NRG4: variants seen among roughly 807,000 people sequenced by gnomAD.
NRG4 encodes pro-neuregulin-4, membrane-bound isoform.
Under a neutral mutation model 15.0 loss-of-function variants are expected in NRG4, and 10 were observed. The observed-to-expected ratio is 0.67, with a 90% CI of 0.41 to 1.13. The LOEUF is 1.13. NRG4 is among the 50% of genes most tolerant of loss of function. The pLI is 0.00. For missense variants in NRG4, 139 were observed against 140.2 expected, an observed-to-expected ratio of 0.99 and a Z score of 0.04; for synonymous variants, 41 against 50.1, an observed-to-expected ratio of 0.82 and a Z score of 0.77.
At chr15:75,945,286 G>T (rs1394330602) in intron 5 of NRG4, among the ~76,000 whole-genome samples, 34 of 146,056 alleles carry the variant, frequency 2.3e-4, no homozygotes, top group African/African-American at 8.1e-4. Flanking sequence ...TTTTTTTGTG[G>T]AATCTCACTT....
chr15:75,945,212 C>A (rs1330022270), intron 5 of NRG4, among the ~76,000 whole-genome samples: 1 of 151,670 alleles, frequency 6.6e-6, no homozygotes, highest in Admixed American at 6.6e-5. Context: ...GTTAACACCA[C>A]GATAAATTTA....
chr15:76,026,926 TC>T (rs1409351401), intron 5 of NRG4, among the ~76,000 whole-genome samples: 1 of 151,934 alleles, frequency 6.6e-6, no homozygotes, highest in Non-Finnish European at 1.5e-5. Context: ...ATTGAGACCA[TC>T]CTGGCTAACA....
intron 1 of NRG4, among the ~76,000 whole-genome samples, chr15:76,057,427 T>C (rs1044379543): frequency 2.1e-4 from 32 of 152,116 alleles, no homozygotes; most frequent in Non-Finnish European, 4.0e-4. Context: ...TGGCAGATCT[T>C]CACAGTTCCT....
At chr15:75,997,953 C>T (rs1172044261) in intron 3 of NRG4, among the ~76,000 whole-genome samples, 1 of 152,208 alleles carries the variant, frequency 6.6e-6, no homozygotes, top group Non-Finnish European at 1.5e-5. Flanking sequence ...TTATTGGACA[C>T]TAACAGCCTC....
chr15:75,958,660 A>G (rs2032362889), intron 4 of NRG4, among the ~76,000 whole-genome samples: 1 of 152,094 alleles, frequency 6.6e-6, no homozygotes, highest in Non-Finnish European at 1.5e-5. Flanking sequence ...TTGTGATTGG[A>G]GCTTTCTTTT....
At chr15:75,940,788 CTAA>C (rs2030877496), downstream of NRG4, 1 of 1,596 alleles carries the variant, frequency 6.3e-4, no homozygotes, top group Non-Finnish European at 4.2e-3. Context: ...ACATGGCTAA[CTAA>C]CAAAGTTGCA....
intron 3 of NRG4, among the ~76,000 whole-genome samples, chr15:75,973,292 C>T (rs1364741876): frequency 1.3e-5 from 2 of 152,122 alleles, no homozygotes; most frequent in Non-Finnish European, 2.9e-5. Context: ...TCTAAATATA[C>T]AATCATGTCA....
chr15:75,941,089 C>T lies in NRG4; in HGVS notation c.*2549G>A, dbSNP rs1468973651. 6.6e-6 allele frequency: 1 copy of T among 152,094 alleles called. No homozygotes were observed. Among genetic ancestry groups the T allele is most frequent in the African/African-American group, 2.4e-5 (1 of 41,430 alleles). The allele number at this position is 152,094 out of a possible 1,614,324, so 9.4% of individuals were successfully genotyped here. ...TACATACAAAACTCCCAAAATGCAA[C>T]AACAGTGTAAAAACCTGATTTAAAA... is the stretch of plus-strand genomic sequence containing the variant. On this transcript the variant is annotated 3_prime_UTR_variant, in exon 6 of 6. Transcript: ENST00000394907.
chr15:75,972,832 C>G (rs1002207480), intron 3 of NRG4, among the ~76,000 whole-genome samples: 1 of 151,888 alleles, frequency 6.6e-6, no homozygotes, highest in Non-Finnish European at 1.5e-5. Flanking sequence ...TCTTCTTGTC[C>G]AGGACTGTCT....
At chr15:76,005,714 A>G in intron 3 of NRG4, 1 of 337,608 alleles carries the variant, frequency 3.0e-6, no homozygotes, top group Non-Finnish European at 5.7e-6. Context: ...AGAAAAGAGA[A>G]TTGTAAGGAA....
intron 5 of NRG4, among the ~76,000 whole-genome samples, chr15:76,022,794 AC>A (rs1044183101): frequency 1.3e-5 from 2 of 152,216 alleles, no homozygotes; most frequent in African/African-American, 4.8e-5. Context: ...TGACATGATT[AC>A]ATCAACATTT....
At chr15:75,967,612 C>A (rs1449479495) in intron 3 of NRG4, among the ~76,000 whole-genome samples, 4 of 151,816 alleles carry the variant, frequency 2.6e-5, no homozygotes, top group African/African-American at 9.7e-5. Flanking sequence ...CAGGTGTGCA[C>A]CACCACACCC....
In NRG4 at chr15:76,011,281, CAG is replaced by C. The variant is rs1216536533; in HGVS notation, c.-53_-52del. On this transcript the variant is annotated 5_prime_UTR_variant, in exon 2 of 6. The change creates a premature stop within an existing upstream ORF in the 5' untranslated region. Coordinates refer to ENST00000394907, the MANE Select transcript of NRG4 (RefSeq NM_138573.4). ...TGGTCAAGAGAGTAGGGTTGAAAAACAGTACCTAAAACGGTTTAAAAAGTAAT... is the reference window on the plus strand; with the variant it reads ...TGGTCAAGAGAGTAGGGTTGAAAAACTACCTAAAACGGTTTAAAAAGTAAT... 7.2e-7 allele frequency: 1 copy of C among 1,387,398 alleles called. No individual in the cohort carries two copies. Among genetic ancestry groups the C allele is most frequent in the African/African-American group, 1.5e-5 (1 of 67,362 alleles). The allele number at this position is 1,387,398 out of a possible 1,614,324, so 85.9% of individuals were successfully genotyped here. A position where few individuals can be genotyped will look rare whatever the true frequency, so the allele number is the denominator to read the frequency against.
intron 5 of NRG4, among the ~76,000 whole-genome samples, chr15:76,024,507 G>A (rs911003738): frequency 6.6e-6 from 1 of 152,176 alleles, no homozygotes; most frequent in African/African-American, 2.4e-5. Flanking sequence ...CTGAACAGCT[G>A]TGCACCCATG....
At chr15:75,976,338 C>T (rs1316483182) in intron 3 of NRG4, among the ~76,000 whole-genome samples, 2 of 152,158 alleles carry the variant, frequency 1.3e-5, no homozygotes, top group East Asian at 1.9e-4. Flanking sequence ...CTACTTCTGT[C>T]AATTTGTCAA....
chr15:75,953,903 T>C (rs2032064862), intron 5 of NRG4, among the ~76,000 whole-genome samples: 1 of 152,174 alleles, frequency 6.6e-6, no homozygotes, highest in South Asian at 2.1e-4. Flanking sequence ...CCCAGGCTGG[T>C]CTCAAACTCT....
At chr15:75,983,174 C>T (rs2033666128) in intron 3 of NRG4, among the ~76,000 whole-genome samples, 1 of 152,048 alleles carries the variant, frequency 6.6e-6, no homozygotes, top group African/African-American at 2.4e-5. Flanking sequence ...TTGGAACAAA[C>T]AGACAAGAAT....
chr15:75,986,220 A>T (rs2033798030), intron 3 of NRG4, among the ~76,000 whole-genome samples: 1 of 152,190 alleles, frequency 6.6e-6, no homozygotes, highest in Admixed American at 6.5e-5. Flanking sequence ...CTGCTAGGAA[A>T]TGACATACTC....
intron 2 of NRG4, among the ~76,000 whole-genome samples, chr15:76,010,718 G>A (rs1372237458): frequency 1.3e-5 from 2 of 151,874 alleles, no homozygotes; most frequent in African/African-American, 2.4e-5. Flanking sequence ...GGAATAATTT[G>A]GCTAAAAAAT....
Sources: gnomAD v4.1 joint callset for allele counts (sites outside exome capture counted in the v4.1 genomes callset) on GRCh38, gnomAD v4.1.1 for gene constraint, MANE v1.5 for transcripts, NCBI Gene and HGNC (gene_info 2026-07-23, HGNC 2026-07-21) for gene names.